ITGA6: variants seen among roughly 807,000 people sequenced by gnomAD.
ITGA6 encodes the protein integrin subunit alpha 6, also known as integrin alpha-6.
ITGA6 carries 63 observed loss-of-function variants against 133.6 expected under a neutral mutation model. The ratio of observed to expected loss-of-function variants is 0.47; its 90% CI spans 0.38 to 0.58. The LOEUF is 0.58. Among genes scored for constraint, ITGA6 ranks in the 20% least tolerant of loss-of-function variants. The pLI is 0.00. For missense variants in ITGA6, 1,068 were observed against 1,309.4 expected (o/e 0.82, Z 2.85); for synonymous variants, 434 against 482.0 (o/e 0.90, Z 1.30).
At chr2:172,464,453 C>G (rs1366977448) in intron 1 of ITGA6, 1 of 152,208 alleles carries the variant, frequency 6.6e-6, no homozygotes, top group Non-Finnish European at 1.5e-5. Context: ...TTCCTCAGCT[C>G]CAGCCTTGTT....
In ITGA6 at chr2:172,504,260, CT is replaced by C; in HGVS notation, c.*193del. The C allele has an allele frequency of 2.6e-6, 4 of 1,524,578 alleles. No individual in the cohort carries two copies. The highest frequency in any genetic ancestry group is 1.8e-6 in the Non-Finnish European group (2 of 1,139,876). The allele number at this position is 1,524,578 out of a possible 1,614,324, so 94.4% of individuals were successfully genotyped here. ...AATGAAAGCTACTCATAGCGGGGGCCTAAAAAAAAAAAGCTTCACAGTACCC... is the reference window on the plus strand; with the variant it reads ...AATGAAAGCTACTCATAGCGGGGGCCAAAAAAAAAAAGCTTCACAGTACCC... On this transcript the variant is annotated 3_prime_UTR_variant, in exon 26 of 26. Coordinates refer to ENST00000684293, the MANE Select transcript of ITGA6 (RefSeq NM_000210.4).
At chr2:172,473,362 C>G (rs1477489052) in intron 5 of ITGA6, among the ~76,000 whole-genome samples, 3 of 152,172 alleles carry the variant, frequency 2.0e-5, no homozygotes, top group African/African-American at 7.2e-5. Flanking sequence ...ATAACTGATA[C>G]CAATGACAAC....
chr2:172,450,946 T>C (rs929089309), intron 1 of ITGA6, among the ~76,000 whole-genome samples: 11 of 147,282 alleles, frequency 7.5e-5, no homozygotes, highest in African/African-American at 2.7e-4. Context: ...AATATAAATA[T>C]ATTTATCTTG....
intron 1 of ITGA6, among the ~76,000 whole-genome samples, chr2:172,450,892 CA>C: frequency 6.9e-6 from 1 of 144,004 alleles, no homozygotes; most frequent in East Asian, 2.0e-4. Flanking sequence ...TATTTATATA[CA>C]AATATATATT....
At chr2:172,434,163 A>G (rs116789570) in intron 1 of ITGA6, among the ~76,000 whole-genome samples, 3,398 of 152,330 alleles carry the variant, frequency 0.022, 65 homozygotes, top group Non-Finnish European at 0.033. Context: ...TATTGATGAC[A>G]AAACTGCCTA....
chr2:172,456,643 G>C (rs1420345352), intron 1 of ITGA6, among the ~76,000 whole-genome samples: 1 of 152,166 alleles, frequency 6.6e-6, no homozygotes, highest in African/African-American at 2.4e-5. Context: ...GTACAACATA[G>C]CCTGTGTGTG....
intron 1 of ITGA6, among the ~76,000 whole-genome samples, chr2:172,457,208 C>T (rs560657647): frequency 2.1e-5 from 3 of 145,748 alleles, no homozygotes; most frequent in East Asian, 2.0e-4. Flanking sequence ...GCAGGAGAAT[C>T]GATTGAACCT....
chr2:172,446,063 G>C (rs1244884877), intron 1 of ITGA6, among the ~76,000 whole-genome samples: 1 of 152,210 alleles, frequency 6.6e-6, no homozygotes, highest in Non-Finnish European at 1.5e-5. Context: ...GGAAAGAGGA[G>C]AACTGATGTT....
chr2:172,476,749 T>C (rs527940247), intron 9 of ITGA6, among the ~76,000 whole-genome samples: 1 of 152,306 alleles, frequency 6.6e-6, no homozygotes, highest in East Asian at 1.9e-4. Context: ...TCATATATTT[T>C]TAAAACCTTA....
At chr2:172,460,540 C>CAT (rs1324484013) in intron 1 of ITGA6, among the ~76,000 whole-genome samples, 1 of 152,136 alleles carries the variant, frequency 6.6e-6, no homozygotes, top group Non-Finnish European at 1.5e-5. Context: ...TAAATCAATA[C>CAT]ATATATAATA....
intron 3 of ITGA6, 62 bp downstream of exon 3, chr2:172,467,622 G>A (rs996801761): frequency 1.2e-5 from 16 of 1,303,560 alleles, no homozygotes; most frequent in Admixed American, 3.4e-5. Context: ...GCCAGCACCA[G>A]GCTTACAGCA....
chr2:172,466,766 T>C (rs894785353), intron 2 of ITGA6, among the ~76,000 whole-genome samples: 10 of 151,294 alleles, frequency 6.6e-5, no homozygotes, highest in Admixed American at 6.6e-5. Flanking sequence ...TTGGCATTTT[T>C]CCTTCTGTCT....
intron 2 of ITGA6, among the ~76,000 whole-genome samples, chr2:172,466,923 G>A (rs1354326161): frequency 3.9e-5 from 6 of 152,152 alleles, no homozygotes; most frequent in Admixed American, 2.6e-4. Flanking sequence ...TGTGGTCCCC[G>A]TCTCTCTGAC....
chr2:172,497,683 A>G (rs185249676), intron 23 of ITGA6, among the ~76,000 whole-genome samples: 75 of 152,276 alleles, frequency 4.9e-4, no homozygotes, highest in African/African-American at 1.4e-3. Context: ...AGGGTTCATT[A>G]TACAGTTTAC....
At chr2:172,448,837 G>C (rs1209036519) in intron 1 of ITGA6, among the ~76,000 whole-genome samples, 1 of 152,058 alleles carries the variant, frequency 6.6e-6, no homozygotes, top group East Asian at 1.9e-4. Context: ...CACCCTTAAG[G>C]TTACAAAAAA....
chr2:172,449,779 G>A (rs139457562), intron 1 of ITGA6, among the ~76,000 whole-genome samples: 5,816 of 152,066 alleles, frequency 0.038, 250 homozygotes, highest in African/African-American at 0.11. Context: ...AAATTAGCCC[G>A]GCATGGTGGC....
intron 24 of ITGA6, among the ~76,000 whole-genome samples, chr2:172,500,459 C>T (rs553458020): frequency 1.3e-4 from 20 of 152,202 alleles, no homozygotes; most frequent in East Asian, 3.9e-4. Context: ...TGAAACCCCG[C>T]GTCTACTAAA....
chr2:172,428,671 G>A lies in ITGA6; in HGVS notation c.182+701G>A. The A allele has an allele frequency of 1.3e-5, 2 of 152,124 alleles. 1 individual carries two copies. Among genetic ancestry groups the A allele is most frequent in the Non-Finnish European group, 2.9e-5 (2 of 68,026 alleles). The allele number at this position is 152,124 out of a possible 1,614,324, so 9.4% of individuals were successfully genotyped here. On this transcript the variant is annotated intron_variant, in intron 1 of 25. Transcript: ENST00000684293. Reference sequence around the variant, plus strand: ...GCCCCCAAAGTACTCGGCCGCACCCGAGACCCGCTCGGCTCCTGCGTTGGG... The same window carrying A: ...GCCCCCAAAGTACTCGGCCGCACCCAAGACCCGCTCGGCTCCTGCGTTGGG...
intron 1 of ITGA6, among the ~76,000 whole-genome samples, chr2:172,458,394 C>T (rs541277199): frequency 2.2e-4 from 33 of 151,892 alleles, no homozygotes; most frequent in African/African-American, 4.8e-4. Context: ...TGTGAGCCAC[C>T]GCACCCGGCC....
Sources: allele counts gnomAD v4.1 joint callset (sites outside exome capture counted in the v4.1 genomes callset), GRCh38; gene constraint gnomAD v4.1.1; transcripts MANE v1.5; gene names NCBI Gene and HGNC (gene_info 2026-07-23, HGNC 2026-07-21).